GABRA3: variants seen among roughly 807,000 people sequenced by gnomAD.
GABRA3 encodes gamma-aminobutyric acid receptor subunit alpha-3.
A neutral mutation model predicts 30.1 loss-of-function variants in GABRA3; 10 were observed. The ratio of observed to expected loss-of-function variants is 0.33; its 90% confidence interval spans 0.20 to 0.56. The LOEUF is 0.56. GABRA3 is among the 20% of genes least tolerant of loss of function. The pLI is 0.89. For synonymous variants in GABRA3, 151 were observed against 146.8 expected (o/e 1.03, Z -0.21); for missense variants, 233 against 392.0 (o/e 0.59, Z 3.42).
chrX:152,422,117 C>T (rs1284084819), intron 1 of GABRA3, among the ~76,000 whole-genome samples: 1 of 111,313 alleles, frequency 9.0e-6, no homozygotes, highest in East Asian at 2.8e-4. Context: ...TGCAACATTA[C>T]TTATAATAGT....
At chrX:152,374,586 G>A (rs774190557) in intron 1 of GABRA3, among the ~76,000 whole-genome samples, 4 of 110,944 alleles carry the variant, frequency 3.6e-5, no homozygotes, top group East Asian at 5.7e-4. Context: ...TCCTGACCTC[G>A]TGATCTGCCT....
At chrX:152,339,745 A>G (rs904755274) in intron 3 of GABRA3, among the ~76,000 whole-genome samples, 1 of 110,519 alleles carries the variant, frequency 9.0e-6, no homozygotes. Context: ...ATCTCTAACT[A>G]TATTATAGAC....
At chrX:152,208,172 A>G (rs1456817578) in intron 6 of GABRA3, 28 bp from the exon 7 acceptor site, 1 of 1,188,847 alleles carries the variant, frequency 8.4e-7, no homozygotes, top group African/African-American at 1.8e-5. Context: ...CAATAAAGAG[A>G]AGTTGAAGGA....
chrX:152,329,670 T>A (rs1402450675), intron 3 of GABRA3, among the ~76,000 whole-genome samples: 1 of 111,830 alleles, frequency 8.9e-6, no homozygotes, highest in South Asian at 3.7e-4. Flanking sequence ...CTGGATCCCT[T>A]TCTTACACCT....
intron 9 of GABRA3, among the ~76,000 whole-genome samples, chrX:152,170,874 T>G (rs996713751): frequency 8.9e-6 from 1 of 112,006 alleles, no homozygotes; most frequent in Non-Finnish European, 1.9e-5. Context: ...GAAAGCAATA[T>G]TCTTTCTCCC....
chrX:152,194,914 C>T (rs1034243233), intron 8 of GABRA3, among the ~76,000 whole-genome samples: 4 of 110,450 alleles, frequency 3.6e-5, no homozygotes, highest in Non-Finnish European at 7.6e-5. Flanking sequence ...GATGTGCCAC[C>T]ACGTCTGGCT....
At chrX:152,346,243 A>G (rs1940390870) in intron 2 of GABRA3, among the ~76,000 whole-genome samples, 1 of 111,687 alleles carries the variant, frequency 9.0e-6, no homozygotes, top group African/African-American at 3.3e-5. Context: ...GGAAAAAAAG[A>G]CAGTCTTTTC....
chrX:152,431,265 A>G (rs1371975606), intron 1 of GABRA3, among the ~76,000 whole-genome samples: 1 of 111,970 alleles, frequency 8.9e-6, no homozygotes, highest in Non-Finnish European at 1.9e-5. Context: ...CTATGAACAA[A>G]GCAGAGAGAG....
At chrX:152,381,550 T>C (rs1929144107) in intron 1 of GABRA3, among the ~76,000 whole-genome samples, 1 of 111,802 alleles carries the variant, frequency 8.9e-6, no homozygotes. Context: ...GTCATATTGA[T>C]ACTTGTTTCT....
intron 1 of GABRA3, among the ~76,000 whole-genome samples, chrX:152,410,899 A>G (rs1466534628): frequency 8.9e-6 from 1 of 112,175 alleles, no homozygotes; most frequent in South Asian, 3.6e-4. Context: ...AGAGACTTCA[A>G]ATAAACTGTT....
chrX:152,294,619 C>A (rs749047277), intron 3 of GABRA3, among the ~76,000 whole-genome samples: 2 of 111,434 alleles, frequency 1.8e-5, no homozygotes, highest in African/African-American at 6.5e-5. Flanking sequence ...CCTTCTGAAG[C>A]CTACTTCTGT....
At chrX:152,203,552 T>C (rs1256220444) in intron 7 of GABRA3, among the ~76,000 whole-genome samples, 1 of 111,940 alleles carries the variant, frequency 8.9e-6, no homozygotes, top group Non-Finnish European at 1.9e-5. Flanking sequence ...AGCACGAATT[T>C]ATACTCTTAT....
At chrX:152,391,286 T>C (rs1383849449) in intron 1 of GABRA3, among the ~76,000 whole-genome samples, 4 of 111,920 alleles carry the variant, frequency 3.6e-5, no homozygotes, top group Non-Finnish European at 7.5e-5. Flanking sequence ...CGAAAGTCTA[T>C]AGTACAACCC....
chrX:152,258,103 T>C (rs946950166), intron 4 of GABRA3, among the ~76,000 whole-genome samples: 2 of 111,401 alleles, frequency 1.8e-5, no homozygotes, highest in Non-Finnish European at 3.8e-5. Flanking sequence ...AAGATAAAAC[T>C]GAATTAGAGC....
In GABRA3 at chrX:152,448,984, T is replaced by C. The variant is rs190641246; in HGVS notation, c.-27+2162A>G. 6.4e-3 allele frequency among the ~76,000 whole-genome samples: 715 copies of C among 111,294 alleles called. 9 individuals carry two copies. Among genetic ancestry groups the C allele is most frequent in the African/African-American group, 0.022 (671 of 30,577 alleles). Reference sequence around the variant, plus strand: ...CTCTAGAAAACTCCGTAGGGTCAATTTGTGGCTAACAAAACAAGTGGGCTA... The same window carrying C: ...CTCTAGAAAACTCCGTAGGGTCAATCTGTGGCTAACAAAACAAGTGGGCTA... On this transcript the variant is annotated intron_variant, in intron 1 of 9. Coordinates refer to ENST00000370314, the MANE Select transcript of GABRA3 (RefSeq NM_000808.4).
chrX:152,405,947 T>A (rs777974731), intron 1 of GABRA3, among the ~76,000 whole-genome samples: 1 of 111,414 alleles, frequency 9.0e-6, no homozygotes, highest in African/African-American at 3.3e-5. Flanking sequence ...TAACTCCAGA[T>A]AGCCCATCAT....
chrX:152,390,676 AAC>A (rs1445394365), intron 1 of GABRA3, among the ~76,000 whole-genome samples: 1 of 112,247 alleles, frequency 8.9e-6, no homozygotes, highest in Non-Finnish European at 1.9e-5. Flanking sequence ...ATTAGACTAT[AAC>A]ACACACCAAG....
intron 1 of GABRA3, chrX:152,394,414 G>A (rs1327345594): frequency 1.0e-5 from 4 of 384,810 alleles, no homozygotes; most frequent in African/African-American, 1.0e-4. Context: ...TGCAAAAGTA[G>A]ACACCATAGC....
intron 9 of GABRA3, among the ~76,000 whole-genome samples, chrX:152,173,905 G>A (rs1937037522): frequency 1.8e-5 from 2 of 109,900 alleles, no homozygotes; most frequent in Non-Finnish European, 3.8e-5. Flanking sequence ...TCGTCATTTA[G>A]CATTAGGTAT....
Sources: gnomAD v4.1 joint callset for allele counts (sites outside exome capture counted in the v4.1 genomes callset) on GRCh38, gnomAD v4.1.1 for gene constraint, MANE v1.5 for transcripts, NCBI Gene and HGNC (gene_info 2026-07-23, HGNC 2026-07-21) for gene names.